Variants in RAD54B observed in about 807,000 individuals in gnomAD.
RAD54B encodes the protein RAD54 homolog B, also known as DNA repair and recombination protein RAD54B.
A neutral mutation model predicts 95.8 loss-of-function variants in RAD54B; 78 were observed. The observed-to-expected ratio is 0.81, with a 90% CI of 0.68 to 0.98. RAD54B has a LOEUF of 0.98. RAD54B is among the 50% of genes least tolerant of loss of function. The probability of loss-of-function intolerance (pLI) is 0.00; values close to 1 mark genes in which losing one functional copy is unlikely to be tolerated. For synonymous variants in RAD54B, 328 were observed against 354.9 expected, an observed-to-expected ratio of 0.92 and a Z score of 0.85; for missense variants, 957 against 1,056.6, an observed-to-expected ratio of 0.91 and a Z score of 1.31.
chr8:94,463,893 C>CAAAAAAAAA (rs553168595), intron 2 of RAD54B, among the ~76,000 whole-genome samples: 3 of 90,954 alleles, frequency 3.3e-5, no homozygotes, highest in African/African-American at 8.4e-5. Flanking sequence ...GACCCTATCT[C>CAAAAAAAAA]AAAAAAAAAA....
At chr8:94,382,237 T>C (rs1294279546) in intron 11 of RAD54B, among the ~76,000 whole-genome samples, 3 of 152,122 alleles carry the variant, frequency 2.0e-5, no homozygotes, top group African/African-American at 7.2e-5. Context: ...TATATCAAGA[T>C]TATAACTCAA....
intron 14 of RAD54B, 24 bp from the exon 15 acceptor site, chr8:94,372,411 A>C: frequency 6.2e-7 from 1 of 1,608,084 alleles, no homozygotes; most frequent in Non-Finnish European, 8.5e-7. Flanking sequence ...AACAATGAGA[A>C]AATCCTTAGG....
At chr8:94,430,957 T>C in intron 3 of RAD54B, 1 of 985,338 alleles carries the variant, frequency 1.0e-6, no homozygotes, top group Non-Finnish European at 1.2e-6. Flanking sequence ...CTTTTTCCCA[T>C]TCTTTTGTCT....
chr8:94,393,605 A>C (rs555833997), intron 9 of RAD54B, 138 bp downstream of exon 9: 2 of 758,780 alleles, frequency 2.6e-6, no homozygotes, highest in African/African-American at 1.8e-5. Flanking sequence ...AAAATAAGGA[A>C]TGCAAGAAAC....
intron 3 of RAD54B, among the ~76,000 whole-genome samples, chr8:94,417,493 A>T (rs573778508): frequency 6.6e-6 from 1 of 152,004 alleles, no homozygotes; most frequent in Non-Finnish European, 1.5e-5. Flanking sequence ...AAAAAAAAAA[A>T]AACTGACCAC....
intron 12 of RAD54B, 29 bp downstream of exon 12, chr8:94,380,116 A>G (rs750362009): frequency 1.9e-6 from 3 of 1,565,378 alleles, no homozygotes. Context: ...GCATTCAATA[A>G]TATCTATTTA....
At chr8:94,400,147 G>A in intron 7 of RAD54B, 91 bp downstream of exon 7, 2 of 1,116,342 alleles carry the variant, frequency 1.8e-6, no homozygotes, top group Non-Finnish European at 2.6e-6. Flanking sequence ...TGTGCAAAAG[G>A]GTTAGGGAGT....
chr8:94,428,103 C>T, intron 3 of RAD54B: 1 of 928,214 alleles, frequency 1.1e-6, no homozygotes, highest in Non-Finnish European at 1.3e-6. Flanking sequence ...ACAACATATC[C>T]ATTACATTCA....
chr8:94,393,559 C>T, intron 9 of RAD54B, 184 bp downstream of exon 9: 1 of 515,172 alleles, frequency 1.9e-6, no homozygotes, highest in Non-Finnish European at 3.4e-6. Flanking sequence ...TGTGAAGTTC[C>T]TATTCATGAA....
chr8:94,405,486 C>T (rs990492517), intron 5 of RAD54B, among the ~76,000 whole-genome samples: 1 of 152,124 alleles, frequency 6.6e-6, no homozygotes, highest in Non-Finnish European at 1.5e-5. Context: ...TTAACAAATA[C>T]CCAGAGGGTA....
chr8:94,394,147 G>A (rs769971979), intron 8 of RAD54B, among the ~76,000 whole-genome samples: 5 of 152,194 alleles, frequency 3.3e-5, no homozygotes, highest in Non-Finnish European at 7.3e-5. Flanking sequence ...GCTCAGTGGA[G>A]TCTGACTGCT....
At chr8:94,445,811 A>AGC (rs1832052443) in intron 3 of RAD54B, among the ~76,000 whole-genome samples, 1 of 152,120 alleles carries the variant, frequency 6.6e-6, no homozygotes, top group Non-Finnish European at 1.5e-5. Context: ...GATCACAGGC[A>AGC]TGAACCACCA....
intron 8 of RAD54B, among the ~76,000 whole-genome samples, chr8:94,394,144 G>A (rs1811088715): frequency 6.6e-6 from 1 of 152,166 alleles, no homozygotes; most frequent in Non-Finnish European, 1.5e-5. Flanking sequence ...CAGGCTCAGT[G>A]GAGTCTGACT....
chr8:94,450,105 T>A (rs1280569293), intron 3 of RAD54B, among the ~76,000 whole-genome samples: 2 of 152,150 alleles, frequency 1.3e-5, no homozygotes, highest in Non-Finnish European at 2.9e-5. Context: ...AAGGATGATC[T>A]CCTCAAAACT....
At chr8:94,401,324 C>A (rs3019145) in intron 6 of RAD54B, among the ~76,000 whole-genome samples, 36,834 of 151,922 alleles carry the variant, frequency 0.24, 5,511 homozygotes, top group East Asian at 0.45. Context: ...CTGAGACAAC[C>A]AAACCAACCC....
Position 94,372,210 on chromosome 8 carries a change from A to C in RAD54B, c.2693T>G (p.Phe898Cys). The change falls in exon 15 of 15, where the codon TTC becomes TGC. Residue 898 changes from phenylalanine to cysteine, a missense_variant. Transcript: ENST00000336148. ...FLERITENVSFIFQNITTQAT... is the reference protein window; with the variant it reads ...FLERITENVSCIFQNITTQAT... ...TTGAGTGGTTATATTCTGAAAAATG[A>C]ATGACACATTTTCTGTTATTCTTTC... The C allele has an allele frequency of 1.2e-6, 2 of 1,611,410 alleles. No homozygotes were observed. Among genetic ancestry groups the C allele is most frequent in the Non-Finnish European group, 1.7e-6 (2 of 1,179,188 alleles).
intron 14 of RAD54B, among the ~76,000 whole-genome samples, chr8:94,374,639 G>A (rs1321356338): frequency 6.6e-6 from 1 of 152,058 alleles, no homozygotes; most frequent in East Asian, 1.9e-4. Context: ...AATATGTTAA[G>A]ACAAAATGAA....
chr8:94,454,538 A>C (rs1474996337), intron 3 of RAD54B, among the ~76,000 whole-genome samples: 1 of 152,246 alleles, frequency 6.6e-6, no homozygotes, highest in African/African-American at 2.4e-5. Context: ...TGCTAAGTTT[A>C]AACTGCTAAT....
intron 10 of RAD54B, among the ~76,000 whole-genome samples, chr8:94,389,104 G>A (rs946095851): frequency 6.6e-6 from 1 of 152,154 alleles, no homozygotes; most frequent in South Asian, 2.1e-4. Context: ...TTAAATCAGA[G>A]TACAGGGAGA....
Sources: gnomAD v4.1 joint callset for allele counts (sites outside exome capture counted in the v4.1 genomes callset) on GRCh38, gnomAD v4.1.1 for gene constraint, MANE v1.5 for transcripts, NCBI Gene and HGNC (gene_info 2026-07-23, HGNC 2026-07-21) for gene names.